COL22A1: variants seen among roughly 807,000 people sequenced by gnomAD.
COL22A1 encodes collagen type XXII alpha 1 chain, also known as collagen alpha-1(XXII) chain.
Under a neutral mutation model 248.9 loss-of-function variants are expected in COL22A1, and 221 were observed. The observed-to-expected ratio is 0.89, with a 90% CI of 0.80 to 0.99. COL22A1 has a LOEUF of 0.99. COL22A1 is among the 50% of genes least tolerant of loss of function. The probability of loss-of-function intolerance (pLI) is 0.00; values close to 1 mark genes in which losing one functional copy is unlikely to be tolerated. For missense variants in COL22A1, 2,240 were observed against 2,179.0 expected, an observed-to-expected ratio of 1.03 and a Z score of -0.56; for synonymous variants, 891 against 793.4, an observed-to-expected ratio of 1.12 and a Z score of -2.07.
chr8:138,760,765 A>G (rs1349992620), intron 17 of COL22A1, among the ~76,000 whole-genome samples: 1 of 152,156 alleles, frequency 6.6e-6, no homozygotes, highest in Non-Finnish European at 1.5e-5. Context: ...AAGTCCCAGA[A>G]GTCTGGTGCA....
At chr8:138,851,455 G>T (rs928990531) in intron 3 of COL22A1, among the ~76,000 whole-genome samples, 4 of 152,228 alleles carry the variant, frequency 2.6e-5, no homozygotes, top group African/African-American at 9.6e-5. Context: ...CTGCCAGGTA[G>T]CAGCAGGCGC....
intron 3 of COL22A1, among the ~76,000 whole-genome samples, chr8:138,862,916 C>G (rs1822593719): frequency 6.6e-6 from 1 of 152,092 alleles, no homozygotes; most frequent in Non-Finnish European, 1.5e-5. Context: ...TGAATCTTCA[C>G]AGTCATAGGT....
At chr8:138,593,995 T>C in intron 63 of COL22A1, 22 bp downstream of exon 63, 2 of 1,517,392 alleles carry the variant, frequency 1.3e-6, no homozygotes, top group Non-Finnish European at 1.8e-6. Context: ...ACGGAGCATA[T>C]CTCCTCCAGG....
At position 138,595,756 on chromosome 8, in the gene COL22A1, C is replaced by T. The variant is rs192844031; in HGVS notation, c.4432+1148G>A. On this transcript the variant is annotated intron_variant, in intron 62 of 64. Transcript: ENST00000303045. ...TGTCCTTGCTCCCAGCACAGACTCTCGCAATGGGAGGTGCAAGATAACTGA... is the reference window on the plus strand; with the variant it reads ...TGTCCTTGCTCCCAGCACAGACTCTTGCAATGGGAGGTGCAAGATAACTGA... 3.3e-5 allele frequency among the ~76,000 whole-genome samples: 5 copies of T among 152,124 alleles called. No homozygotes were observed. The East Asian group carries it at 5.8e-4, about 18-fold the overall frequency.
intron 16 of COL22A1, among the ~76,000 whole-genome samples, chr8:138,773,936 G>A (rs989598601): frequency 3.3e-5 from 5 of 152,214 alleles, no homozygotes; most frequent in South Asian, 2.1e-4. Context: ...CCCACTCTCC[G>A]CTACACGGGG....
At chr8:138,845,294 AG>A (rs1390616009) in intron 3 of COL22A1, among the ~76,000 whole-genome samples, 3 of 151,972 alleles carry the variant, frequency 2.0e-5, no homozygotes, top group Non-Finnish European at 4.4e-5. Flanking sequence ...GGATCACCTG[AG>A]GTCAGGAGTT....
chr8:138,752,186 G>A (rs186646193), intron 21 of COL22A1, among the ~76,000 whole-genome samples: 52 of 152,272 alleles, frequency 3.4e-4, no homozygotes, highest in African/African-American at 1.2e-3. Context: ...ACAGCACCCA[G>A]GTCCCCTGAC....
intron 51 of COL22A1, 28 bp from the exon 52 acceptor site, chr8:138,623,813 A>G (rs1820026573): frequency 6.3e-7 from 1 of 1,598,274 alleles, no homozygotes; most frequent in Admixed American, 1.8e-5. Context: ...ATTGGTTATC[A>G]GGTCAAAGAA....
intron 9 of COL22A1, 69 bp downstream of exon 9, chr8:138,811,729 TG>T (rs1276393275): frequency 6.3e-7 from 1 of 1,595,208 alleles, no homozygotes. Context: ...AAAGGCCACA[TG>T]CATGATGGGA....
At chr8:138,862,076 G>A (rs995755821) in intron 3 of COL22A1, among the ~76,000 whole-genome samples, 1 of 150,186 alleles carries the variant, frequency 6.7e-6, no homozygotes, top group African/African-American at 2.5e-5. Context: ...AAATTAGTTG[G>A]GTGTGGTGGC....
At position 138,906,369 on chromosome 8, in the gene COL22A1, C is replaced by CA. The variant is rs9324499; in HGVS notation, c.-73+7249dup. Among the ~76,000 whole-genome samples the CA allele has an allele frequency of 6.0e-4, 86 of 143,954 alleles. 2 individuals are homozygous for CA. The South Asian group carries it at 8.1e-3, about 14-fold the overall frequency. 94.4% of individuals were successfully genotyped at this position (143,954 alleles called of 152,430 possible). On this transcript the variant is annotated intron_variant, in intron 1 of 64. Coordinates refer to ENST00000303045, the MANE Select transcript of COL22A1 (RefSeq NM_152888.3). ...TGGGTGACAGAGCATGACTCCGTCT[C>CA]AAAAAAAAAAAATTACCTACATATT...
intron 1 of COL22A1, among the ~76,000 whole-genome samples, chr8:138,890,689 C>T (rs1825000767): frequency 6.6e-6 from 1 of 152,050 alleles, no homozygotes; most frequent in Non-Finnish European, 1.5e-5. Context: ...ACAAATTCAA[C>T]GAAGTATAAG....
chr8:138,806,027 TG>T (rs1480571263), intron 10 of COL22A1, among the ~76,000 whole-genome samples: 9 of 100,578 alleles, frequency 8.9e-5, no homozygotes, highest in African/African-American at 2.0e-4. Context: ...TAATGGTGTG[TG>T]GTTGTGTGTG....
chr8:138,815,608 G>A (rs967421599), intron 7 of COL22A1, among the ~76,000 whole-genome samples: 3 of 152,144 alleles, frequency 2.0e-5, no homozygotes, highest in South Asian at 4.1e-4. Flanking sequence ...GGTCCTAACA[G>A]CACTTCTCAC....
chr8:138,645,598 G>T (rs750675694), intron 47 of COL22A1, among the ~76,000 whole-genome samples: 1 of 152,108 alleles, frequency 6.6e-6, no homozygotes, highest in African/African-American at 2.4e-5. Context: ...CATTTTGCCC[G>T]CAGTTGGCAC....
chr8:138,836,845 A>G (rs1820472151), intron 4 of COL22A1, among the ~76,000 whole-genome samples: 1 of 152,208 alleles, frequency 6.6e-6, no homozygotes, highest in Non-Finnish European at 1.5e-5. Flanking sequence ...CCCTCCGTTC[A>G]GTATGCTGGG....
chr8:138,618,399 A>G (rs1221902921), intron 53 of COL22A1, among the ~76,000 whole-genome samples: 2 of 152,200 alleles, frequency 1.3e-5, no homozygotes, highest in Non-Finnish European at 2.9e-5. Context: ...CTCCCAGTTG[A>G]CAGATGGGTC....
At chr8:138,845,554 T>G (rs1821186815) in intron 3 of COL22A1, among the ~76,000 whole-genome samples, 1 of 142,632 alleles carries the variant, frequency 7.0e-6, no homozygotes, top group African/African-American at 2.6e-5. Context: ...TAATAAAAAG[T>G]TGGAAGAAAA....
chr8:138,844,648 C>T (rs1312080038), intron 3 of COL22A1, among the ~76,000 whole-genome samples: 2 of 152,204 alleles, frequency 1.3e-5, no homozygotes, highest in Non-Finnish European at 1.5e-5. Context: ...GAGGGAACCT[C>T]ATTTAGGAAA....
Sources: gnomAD v4.1 joint callset for allele counts (sites outside exome capture counted in the v4.1 genomes callset) on GRCh38, gnomAD v4.1.1 for gene constraint, MANE v1.5 for transcripts, NCBI Gene and HGNC (gene_info 2026-07-23, HGNC 2026-07-21) for gene names.